The following ARL6 variants were observed in gnomAD, a reference collection of about 807,000 sequenced individuals.
ARL6 encodes the protein ADP-ribosylation factor-like protein 6.
A neutral mutation model predicts 27.1 loss-of-function variants in ARL6; 18 were observed. The observed-to-expected ratio is 0.66, with a 90% confidence interval of 0.46 to 0.98. ARL6 has a LOEUF of 0.98. ARL6 is among the 50% of genes least tolerant of loss of function. The pLI, the probability that ARL6 is intolerant of heterozygous loss-of-function variation, is 0.00. For synonymous variants in ARL6, 65 were observed against 72.3 expected, an observed-to-expected ratio of 0.90 and a Z score of 0.51; for missense variants, 187 against 214.9, an observed-to-expected ratio of 0.87 and a Z score of 0.81.
At chr3:97,770,020 A>G (rs1357128813) in intron 2 of ARL6, among the ~76,000 whole-genome samples, 3 of 152,078 alleles carry the variant, frequency 2.0e-5, no homozygotes, top group Non-Finnish European at 4.4e-5. Flanking sequence ...TCTTTGATAC[A>G]TTGATTTCCA....
At chr3:97,790,559 A>G (rs932442307) in intron 6 of ARL6, among the ~76,000 whole-genome samples, 1 of 152,128 alleles carries the variant, frequency 6.6e-6, no homozygotes, top group Non-Finnish European at 1.5e-5. Context: ...CCTACACCAG[A>G]GGGGAAGGGT....
chr3:97,782,980 T>G (rs888222501), intron 4 of ARL6, among the ~76,000 whole-genome samples: 2 of 151,086 alleles, frequency 1.3e-5, no homozygotes, highest in Admixed American at 1.3e-4. Flanking sequence ...TCTTTTATTT[T>G]TCTTTTCTTT....
chr3:97,774,213 A>C lies in ARL6; in HGVS notation c.124-5946A>C, dbSNP rs563188734. On this transcript the variant is annotated intron_variant, in intron 2 of 7. Transcript: ENST00000463745. ...CCAGATTACTGTTTATATAAATTAGAAAACTCGAGCAGTTCTTTTTGAGTG... is the reference window on the plus strand; with the variant it reads ...CCAGATTACTGTTTATATAAATTAGCAAACTCGAGCAGTTCTTTTTGAGTG... Among the ~76,000 whole-genome samples the C allele has an allele frequency of 8.5e-5, 13 of 152,334 alleles. No homozygotes were observed. The East Asian group carries it at 2.5e-3, about 29-fold the overall frequency.
intron 1 of ARL6, chr3:97,766,138 C>T (rs1443183322): frequency 6.6e-6 from 1 of 152,084 alleles, no homozygotes; most frequent in Non-Finnish European, 1.5e-5. Context: ...ACACTCAGTG[C>T]TTTATAGTAG....
chr3:97,773,078 A>G (rs574480586), intron 2 of ARL6, among the ~76,000 whole-genome samples: 178 of 152,290 alleles, frequency 1.2e-3, no homozygotes, highest in African/African-American at 4.2e-3. Context: ...AGATATCTAT[A>G]AAGGGGAGTT....
At chr3:97,784,447 T>G (rs1167676161) in intron 4 of ARL6, among the ~76,000 whole-genome samples, 1 of 147,368 alleles carries the variant, frequency 6.8e-6, no homozygotes, top group Non-Finnish European at 1.5e-5. Flanking sequence ...ATGGTAAAAA[T>G]AATTTATAAA....
chr3:97,786,090 G>A (rs2108059288), intron 5 of ARL6, among the ~76,000 whole-genome samples: 1 of 152,074 alleles, frequency 6.6e-6, no homozygotes, highest in East Asian at 1.9e-4. Flanking sequence ...GCTCAGGCCT[G>A]TAATCCCAGC....
At chr3:97,784,844 G>T in intron 4 of ARL6, 111 bp from the exon 5 acceptor site, 1 of 720,428 alleles carries the variant, frequency 1.4e-6, no homozygotes, top group South Asian at 1.6e-5. Flanking sequence ...AATGATATAT[G>T]GACATAGGAC....
At chr3:97,767,626 T>G (rs918495499) in intron 1 of ARL6, among the ~76,000 whole-genome samples, 5 of 152,160 alleles carry the variant, frequency 3.3e-5, no homozygotes, top group African/African-American at 1.2e-4. Context: ...TTAAATGATA[T>G]CACCAAAATC....
At position 97,800,482 on chromosome 3, in the gene ARL6, T is replaced by C. The variant is rs1055314736; in HGVS notation, c.*2433T>C. The C allele has an allele frequency of 1.3e-5, 2 of 152,210 alleles. No homozygotes were observed. Among genetic ancestry groups the C allele is most frequent in the African/African-American group, 4.8e-5 (2 of 41,448 alleles). 9.4% of individuals were successfully genotyped at this position (152,210 alleles called of 1,614,324 possible). The stretch of plus-strand genomic sequence containing the variant: ...TGTTTGAAACTTATCCTCTTGTATG[T>C]TAAATATTTAAATATTTGTATATGG... On this transcript the variant is annotated 3_prime_UTR_variant, in exon 8 of 8. Transcript: ENST00000463745.
chr3:97,780,807 C>A (rs2037159738), intron 4 of ARL6, 124 bp downstream of exon 4: 2 of 760,040 alleles, frequency 2.6e-6, no homozygotes, highest in African/African-American at 1.8e-5. Flanking sequence ...TGAACATTTC[C>A]TATTTTAAAA....
At chr3:97,796,067 T>G (rs2037985441) in intron 7 of ARL6, among the ~76,000 whole-genome samples, 1 of 152,170 alleles carries the variant, frequency 6.6e-6, no homozygotes, top group South Asian at 2.1e-4. Context: ...AAGACCATAT[T>G]TGACAAGCTT....
intron 7 of ARL6, among the ~76,000 whole-genome samples, chr3:97,794,053 T>C (rs559510522): frequency 6.6e-6 from 1 of 152,260 alleles, no homozygotes; most frequent in East Asian, 1.9e-4. Context: ...AAGCACCCCA[T>C]AAATGTTAAG....
chr3:97,767,873 C>A (rs1215247717), intron 1 of ARL6, among the ~76,000 whole-genome samples: 3 of 152,128 alleles, frequency 2.0e-5, no homozygotes, highest in Non-Finnish European at 4.4e-5. Flanking sequence ...GTGTTGCCAC[C>A]TGTTATAAGC....
intron 7 of ARL6, among the ~76,000 whole-genome samples, chr3:97,796,119 T>G (rs931955772): frequency 1.3e-5 from 2 of 152,182 alleles, no homozygotes; most frequent in African/African-American, 2.4e-5. Flanking sequence ...TAGTGTTCAC[T>G]TATACATATG....
chr3:97,777,574 T>C (rs1220307661), intron 2 of ARL6, among the ~76,000 whole-genome samples: 1 of 152,212 alleles, frequency 6.6e-6, no homozygotes, highest in East Asian at 1.9e-4. Flanking sequence ...TATTTTCAAT[T>C]CATGTTGGCT....
intron 7 of ARL6, 31 bp downstream of exon 7, chr3:97,791,857 C>A: frequency 1.3e-6 from 2 of 1,579,810 alleles, no homozygotes; most frequent in Non-Finnish European, 1.7e-6. Context: ...TGTCTTCAGC[C>A]TTTGTTTCCT....
intron 2 of ARL6, among the ~76,000 whole-genome samples, chr3:97,778,078 G>A (rs545720484): frequency 1.0e-3 from 159 of 152,172 alleles, no homozygotes; most frequent in African/African-American, 3.4e-3. Flanking sequence ...TGTTATTGGT[G>A]TCTTTTTCCT....
chr3:97,768,731 A>G (rs543588444), intron 2 of ARL6, among the ~76,000 whole-genome samples: 4 of 152,258 alleles, frequency 2.6e-5, no homozygotes, highest in South Asian at 4.1e-4. Context: ...GCATATAAAG[A>G]AAGCCTATCT....
Sources: gnomAD v4.1 joint callset for allele counts (sites outside exome capture counted in the v4.1 genomes callset) on GRCh38, gnomAD v4.1.1 for gene constraint, MANE v1.5 for transcripts, NCBI Gene and HGNC (gene_info 2026-07-23, HGNC 2026-07-21) for gene names.